Variants in TDRD5 observed in about 807,000 individuals in gnomAD.
TDRD5 encodes tudor domain containing 5.
A neutral mutation model predicts 120.6 loss-of-function variants in TDRD5; 41 were observed. The ratio of observed to expected loss-of-function variants is 0.34; its 90% CI spans 0.26 to 0.44. TDRD5 has a LOEUF of 0.44. Ranked by LOEUF, TDRD5 falls within the 20% of genes least tolerant of loss-of-function variation. The pLI is 1.00. For missense variants in TDRD5, 1,006 were observed against 1,221.2 expected, an observed-to-expected ratio of 0.82 and a Z score of 2.63; for synonymous variants, 430 against 433.7, an observed-to-expected ratio of 0.99 and a Z score of 0.11.
At chr1:179,678,217 A>C (rs1680238607) in intron 17 of TDRD5, among the ~76,000 whole-genome samples, 2 of 152,308 alleles carry the variant, frequency 1.3e-5, no homozygotes, top group Non-Finnish European at 2.9e-5. Context: ...CTCCGCTCCC[A>C]GGGTAGCTTG....
rs1558424216 is a variant in TDRD5 at position 179,675,280 on chromosome 1, T to TTA, written c.2860+5877_2860+5878insAT. On this transcript the variant is annotated intron_variant, in intron 17 of 17. Coordinates refer to ENST00000444136, the MANE Select transcript of TDRD5 (RefSeq NM_001199085.3). ...TTTATTATTATTATTATTATTTTTT[T>TTA]TTTTTTTTTTTTTTTTTGAGACGGA... Among the ~76,000 whole-genome samples, 257 of 63,022 alleles carry TTA rather than the reference T, an allele frequency of 4.1e-3. 2 individuals are homozygous for TTA. The highest frequency in any genetic ancestry group is 0.012 in the African/African-American group (249 of 21,116). The allele number at this position is 63,022 out of a possible 152,430, so 41.3% of individuals were successfully genotyped here. A position where few individuals can be genotyped will look rare whatever the true frequency, so the allele number is the denominator to read the frequency against.
chr1:179,684,357 T>C (rs1197743594), intron 17 of TDRD5, among the ~76,000 whole-genome samples: 1 of 152,184 alleles, frequency 6.6e-6, no homozygotes, highest in Non-Finnish European at 1.5e-5. Context: ...TTCATCCATG[T>C]CCCTACAAAG....
At chr1:179,596,054 A>G (rs1233650366) in intron 4 of TDRD5, among the ~76,000 whole-genome samples, 1 of 152,060 alleles carries the variant, frequency 6.6e-6, no homozygotes, top group Non-Finnish European at 1.5e-5. Context: ...ATGACTCCCA[A>G]CTCCCAAATC....
chr1:179,642,948 A>G (rs1205766283), intron 11 of TDRD5, among the ~76,000 whole-genome samples: 1 of 152,210 alleles, frequency 6.6e-6, no homozygotes, highest in African/African-American at 2.4e-5. Flanking sequence ...TTGCTGTCCT[A>G]AAGAATTATA....
intron 6 of TDRD5, among the ~76,000 whole-genome samples, chr1:179,628,319 C>CTTT (rs1282761458): frequency 3.9e-5 from 3 of 76,344 alleles, no homozygotes; most frequent in African/African-American, 1.6e-4. Flanking sequence ...CTTTTCTTTT[C>CTTT]TTTTCTTTTT....
intron 4 of TDRD5, among the ~76,000 whole-genome samples, chr1:179,610,902 G>C (rs1676239582): frequency 6.6e-6 from 1 of 152,018 alleles, no homozygotes; most frequent in Admixed American, 6.6e-5. Context: ...TTTTTGAAGA[G>C]ACTTCATGCA....
chr1:179,592,530 C>A, intron 1 of TDRD5, 72 bp from the exon 2 acceptor site: 1 of 1,197,780 alleles, frequency 8.3e-7, no homozygotes, highest in South Asian at 1.3e-5. Context: ...ATTTGTATCC[C>A]ACTATTGGTT....
intron 4 of TDRD5, among the ~76,000 whole-genome samples, chr1:179,603,227 G>A (rs925196646): frequency 6.6e-6 from 1 of 152,130 alleles, no homozygotes; most frequent in African/African-American, 2.4e-5. Flanking sequence ...CATTAATCTT[G>A]TATCTGGAAA....
chr1:179,633,898 G>A (rs180753797), intron 7 of TDRD5, among the ~76,000 whole-genome samples: 158 of 151,764 alleles, frequency 1.0e-3, no homozygotes, highest in African/African-American at 3.5e-3. Flanking sequence ...TTGGCTGGGC[G>A]CGGTGGCTCA....
At chr1:179,611,600 T>A (rs1022910243) in intron 4 of TDRD5, among the ~76,000 whole-genome samples, 2 of 152,088 alleles carry the variant, frequency 1.3e-5, no homozygotes, top group Non-Finnish European at 2.9e-5. Flanking sequence ...CCAAAAAAAA[T>A]TAATTATAAT....
In TDRD5 at chr1:179,662,219, C is replaced by T. The variant is rs1437973760; in HGVS notation, c.2438C>T (p.Ser813Phe). ...ATGGGAAAAGGAGGTGATGCTGCCT[C>T]CCATCTATTTACTGCAAGCCTTGGT... ...AKMGKGGDAA[S>F]HLFTASLGGK... The change falls in exon 15 of 18, where the codon TCC (serine) becomes TTC (phenylalanine). Residue 813 changes from serine (S) to phenylalanine (F), a missense_variant. By Grantham distance (155) the Ser-to-Phe change is radical. This residue lies in a region of TDRD5 where 403 missense variants were observed against 448.1 expected (regional missense o/e 0.90). Coordinates refer to ENST00000444136, the MANE Select transcript of TDRD5 (RefSeq NM_001199085.3). The T allele has an allele frequency of 6.2e-7, 1 of 1,611,646 alleles. No individual in the cohort carries two copies. The highest frequency in any genetic ancestry group is 1.3e-5 in the African/African-American group (1 of 74,782).
At chr1:179,638,809 A>G (rs1472676802) in intron 9 of TDRD5, among the ~76,000 whole-genome samples, 2 of 128,298 alleles carry the variant, frequency 1.6e-5, no homozygotes, top group African/African-American at 2.8e-5. Flanking sequence ...TAAAATACAC[A>G]TTAAATATAT....
At chr1:179,645,133 T>TCCGCCA (rs2102041279) in intron 11 of TDRD5, among the ~76,000 whole-genome samples, 1 of 137,926 alleles carries the variant, frequency 7.3e-6, no homozygotes, top group East Asian at 2.2e-4. Flanking sequence ...TCGCCCAGGC[T>TCCGCCA]GGAGTGCAGT....
intron 12 of TDRD5, 96 bp downstream of exon 12, chr1:179,651,163 C>T (rs1386889339): frequency 3.0e-6 from 4 of 1,340,590 alleles, no homozygotes; most frequent in African/African-American, 1.5e-5. Flanking sequence ...TTGGTTTATT[C>T]TTTAACCAAT....
chr1:179,640,298 A>G, intron 10 of TDRD5, 81 bp from the exon 11 acceptor site: 1 of 1,478,652 alleles, frequency 6.8e-7, no homozygotes, highest in Non-Finnish European at 9.4e-7. Flanking sequence ...TTATTAAGAA[A>G]GTGATTTTTT....
chr1:179,648,099 A>ATGGGTATT (rs1327636397), intron 11 of TDRD5, among the ~76,000 whole-genome samples: 1 of 150,980 alleles, frequency 6.6e-6, no homozygotes, highest in Non-Finnish European at 1.5e-5. Flanking sequence ...ATTACTGGGT[A>ATGGGTATT]TATACCCAAA....
intron 4 of TDRD5, among the ~76,000 whole-genome samples, chr1:179,613,819 G>A (rs1676414084): frequency 1.3e-5 from 2 of 152,180 alleles, no homozygotes; most frequent in South Asian, 4.1e-4. Flanking sequence ...GGAGTGGGGA[G>A]TAGAGAGGGA....
chr1:179,659,387 T>C (rs1359428824), intron 14 of TDRD5, among the ~76,000 whole-genome samples: 1 of 152,238 alleles, frequency 6.6e-6, no homozygotes, highest in African/African-American at 2.4e-5. Flanking sequence ...AGTTTTTCTG[T>C]TGTGCATTTT....
intron 4 of TDRD5, among the ~76,000 whole-genome samples, chr1:179,605,646 G>C (rs1675933627): frequency 6.6e-6 from 1 of 152,062 alleles, no homozygotes. Flanking sequence ...TTAATCCCAT[G>C]GTAACCACTG....
Sources: allele counts gnomAD v4.1 joint callset (sites outside exome capture counted in the v4.1 genomes callset), GRCh38; gene constraint gnomAD v4.1.1; regional missense constraint gnomAD v4.1.1; transcripts MANE v1.5; gene names NCBI Gene and HGNC (gene_info 2026-07-23, HGNC 2026-07-21).